ZCCHC14: variants seen among roughly 807,000 people sequenced by gnomAD.
ZCCHC14 encodes zinc finger CCHC-type containing 14, also known as zinc finger CCHC domain-containing protein 14.
A neutral mutation model predicts 85.0 loss-of-function variants in ZCCHC14; 16 were observed. The ratio of observed to expected loss-of-function variants is 0.19; its 90% confidence interval spans 0.13 to 0.29. The LOEUF is 0.29. ZCCHC14 is among the 10% of genes least tolerant of loss of function. The pLI is 1.00. For synonymous variants in ZCCHC14, 775 were observed against 630.7 expected, an observed-to-expected ratio of 1.23 and a Z score of -3.43; for missense variants, 1,303 against 1,443.5, an observed-to-expected ratio of 0.90 and a Z score of 1.58.
intron 1 of ZCCHC14, among the ~76,000 whole-genome samples, chr16:87,482,544 C>G (rs1912328419): frequency 6.6e-6 from 1 of 152,174 alleles, no homozygotes. Flanking sequence ...AAAAACCCTT[C>G]CTGGGGATTC....
intron 1 of ZCCHC14, among the ~76,000 whole-genome samples, chr16:87,466,095 C>T (rs1277450950): frequency 1.3e-5 from 2 of 150,876 alleles, no homozygotes; most frequent in Admixed American, 6.6e-5. Context: ...TTGTGACCCC[C>T]GCTAACTACC....
intron 1 of ZCCHC14, among the ~76,000 whole-genome samples, chr16:87,483,361 C>G (rs1377248898): frequency 7.0e-6 from 1 of 141,848 alleles, no homozygotes; most frequent in Non-Finnish European, 1.5e-5. Context: ...CTTGGTGGCA[C>G]GTGCCTGTAA....
At chr16:87,483,304 C>CAAAAAAAAAAAAA (rs56708958) in intron 1 of ZCCHC14, among the ~76,000 whole-genome samples, 1 of 43,666 alleles carries the variant, frequency 2.3e-5, no homozygotes, top group African/African-American at 8.6e-5. Context: ...CTAAAAATAC[C>CAAAAAAAAAAAAA]AAAAAAAAAA....
intron 2 of ZCCHC14, among the ~76,000 whole-genome samples, chr16:87,436,556 G>T (rs1160483904): frequency 6.6e-6 from 1 of 152,220 alleles, no homozygotes; most frequent in Non-Finnish European, 1.5e-5. Context: ...TAGACGCTGT[G>T]ATTCGAAAAA....
At chr16:87,485,911 T>C (rs951809653) in intron 1 of ZCCHC14, among the ~76,000 whole-genome samples, 4 of 152,202 alleles carry the variant, frequency 2.6e-5, no homozygotes, top group African/African-American at 9.7e-5. Flanking sequence ...GTGACAAGAC[T>C]AACGCAGATG....
chr16:87,408,045 A>C lies in ZCCHC14; in HGVS notation c.*2235T>G, dbSNP rs1908280098. ...CTCCGCAGAGGCCTTCGCTGCTGGG[A>C]ACACAGCCGTGACAGTGTCGGAACT... On this transcript the variant is annotated 3_prime_UTR_variant, in exon 13 of 13. Transcript: ENST00000671377. 6.6e-6 allele frequency: 1 copy of C among 152,666 alleles called. No individual in the cohort carries two copies. The highest frequency in any genetic ancestry group is 1.5e-5 in the Non-Finnish European group (1 of 68,048). 9.5% of individuals were successfully genotyped at this position (152,666 alleles called of 1,614,324 possible). A position where few individuals can be genotyped will look rare whatever the true frequency, so the allele number is the denominator to read the frequency against.
intron 8 of ZCCHC14, 100 bp downstream of exon 8, chr16:87,417,360 C>T: frequency 6.6e-7 from 1 of 1,521,440 alleles, no homozygotes; most frequent in East Asian, 2.3e-5. Flanking sequence ...GGCCTCCGTA[C>T]TTCATCCACC....
intron 1 of ZCCHC14, among the ~76,000 whole-genome samples, chr16:87,464,931 G>C (rs1480475895): frequency 2.0e-5 from 3 of 152,174 alleles, no homozygotes; most frequent in Non-Finnish European, 4.4e-5. Flanking sequence ...CGGCTCCAAA[G>C]GCTGCCTTCT....
At chr16:87,487,068 G>A (rs746722373) in intron 1 of ZCCHC14, among the ~76,000 whole-genome samples, 3 of 152,220 alleles carry the variant, frequency 2.0e-5, no homozygotes, top group Non-Finnish European at 4.4e-5. Context: ...ATTTTCAACA[G>A]CTTACGAAAA....
intron 1 of ZCCHC14, among the ~76,000 whole-genome samples, chr16:87,481,797 T>A (rs1912292533): frequency 6.6e-6 from 1 of 152,186 alleles, no homozygotes; most frequent in Non-Finnish European, 1.5e-5. Flanking sequence ...GTTGGTGTCT[T>A]GGTCTGTTTT....
rs138119455 is a variant in ZCCHC14, at chr16:87,417,433, G to A, written c.1383+27C>T. 2.0e-3 allele frequency: 3,268 copies of A among 1,608,454 alleles called. 62 individuals are homozygous for A. In the African/African-American group the frequency reaches 0.039, roughly 19 times the overall value. On this transcript the variant is annotated intron_variant, in intron 8 of 12. Coordinates refer to ENST00000671377, the MANE Select transcript of ZCCHC14 (RefSeq NM_015144.3). ...CTTGAGTAAACAATCTAGCAATTCTGTACGGCCAGCCAGAAAACCGACATA... is the reference window on the plus strand; with the variant it reads ...CTTGAGTAAACAATCTAGCAATTCTATACGGCCAGCCAGAAAACCGACATA...
At chr16:87,481,518 G>C (rs1912265411) in intron 1 of ZCCHC14, among the ~76,000 whole-genome samples, 1 of 72,510 alleles carries the variant, frequency 1.4e-5, no homozygotes, top group African/African-American at 5.0e-5. Context: ...GTGTGGCAGG[G>C]AGAGAAACGG....
At chr16:87,475,977 C>T (rs1490761161) in intron 1 of ZCCHC14, among the ~76,000 whole-genome samples, 1 of 152,168 alleles carries the variant, frequency 6.6e-6, no homozygotes, top group African/African-American at 2.4e-5. Flanking sequence ...CAAAGACAGT[C>T]CATCTTAAAG....
intron 1 of ZCCHC14, among the ~76,000 whole-genome samples, chr16:87,463,001 G>A (rs917253062): frequency 1.3e-5 from 2 of 152,192 alleles, no homozygotes; most frequent in Non-Finnish European, 2.9e-5. Flanking sequence ...CCCGGAGTTG[G>A]AGGTTGTAGG....
chr16:87,440,414 C>T (rs748575688), intron 2 of ZCCHC14, among the ~76,000 whole-genome samples: 8 of 152,320 alleles, frequency 5.3e-5, no homozygotes, highest in Non-Finnish European at 1.2e-4. Context: ...ATCCACCCAC[C>T]TTGGCCTCCC....
chr16:87,425,716 A>C (rs768395286), intron 3 of ZCCHC14, among the ~76,000 whole-genome samples: 22 of 152,170 alleles, frequency 1.4e-4, no homozygotes, highest in Non-Finnish European at 2.8e-4. Context: ...AACTCCAAGA[A>C]CACCACCACC....
intron 2 of ZCCHC14, among the ~76,000 whole-genome samples, chr16:87,455,017 C>T (rs1910884407): frequency 6.6e-6 from 1 of 152,172 alleles, no homozygotes; most frequent in Non-Finnish European, 1.5e-5. Context: ...GGCCGAGCGC[C>T]GTGGCTCACA....
chr16:87,413,037 C>T lies in ZCCHC14; in HGVS notation c.1744+18G>A, dbSNP rs1908561919. On this transcript the variant is annotated intron_variant, in intron 11 of 12. Coordinates refer to ENST00000671377, the MANE Select transcript of ZCCHC14 (RefSeq NM_015144.3). ...ACAGCTGGGCCAGGTCGAGCCAGCG[C>T]CGCGCACGTGCCCTTACGTCTGTCA... 6.2e-7 allele frequency: 1 copy of T among 1,614,166 alleles called. No individual in the cohort carries two copies. Among genetic ancestry groups the T allele is most frequent in the Non-Finnish European group, 8.5e-7 (1 of 1,180,028 alleles).
intron 2 of ZCCHC14, among the ~76,000 whole-genome samples, chr16:87,435,892 G>A (rs754624571): frequency 1.6e-4 from 25 of 152,244 alleles, no homozygotes; most frequent in Non-Finnish European, 3.1e-4. Flanking sequence ...GGAACTACAC[G>A]CTGTTCCTGC....
Sources: gnomAD v4.1 joint callset for allele counts (sites outside exome capture counted in the v4.1 genomes callset) on GRCh38, gnomAD v4.1.1 for gene constraint, MANE v1.5 for transcripts, NCBI Gene and HGNC (gene_info 2026-07-23, HGNC 2026-07-21) for gene names.